FRMD5: variants seen among roughly 807,000 people sequenced by gnomAD.
FRMD5 encodes the protein FERM domain containing 5.
A neutral mutation model predicts 69.0 loss-of-function variants in FRMD5; 20 were observed. That is an observed-to-expected ratio of 0.29 (90% CI 0.20 to 0.42). The LOEUF is 0.42. Ranked by LOEUF, FRMD5 falls within the 10% of genes least tolerant of loss-of-function variation. FRMD5 has a pLI of 1.00. For synonymous variants in FRMD5, 271 were observed against 260.1 expected (o/e 1.04, Z -0.40); for missense variants, 595 against 708.6 (o/e 0.84, Z 1.82).
chr15:43,943,160 T>G (rs777327735), intron 1 of FRMD5, among the ~76,000 whole-genome samples: 13 of 152,152 alleles, frequency 8.5e-5, no homozygotes, highest in African/African-American at 2.2e-4. Context: ...CAGAATTGCT[T>G]GAACCCAGGA....
chr15:44,082,211 A>G (rs1248927891), intron 1 of FRMD5, among the ~76,000 whole-genome samples: 1 of 152,004 alleles, frequency 6.6e-6, no homozygotes, highest in East Asian at 1.9e-4. Flanking sequence ...CGGAACACAG[A>G]GGGGAAAAGT....
intron 1 of FRMD5, among the ~76,000 whole-genome samples, chr15:44,123,470 G>C (rs1487535409): frequency 6.6e-6 from 1 of 152,152 alleles, no homozygotes; most frequent in Non-Finnish European, 1.5e-5. Flanking sequence ...TCAATGTTGG[G>C]TAAAGGAATC....
intron 1 of FRMD5, among the ~76,000 whole-genome samples, chr15:44,126,658 C>A (rs2077028330): frequency 6.6e-6 from 1 of 152,196 alleles, no homozygotes. Flanking sequence ...TCTTCATACT[C>A]TCCCACATAG....
At chr15:43,994,568 C>G (rs974858756) in intron 1 of FRMD5, among the ~76,000 whole-genome samples, 5 of 152,118 alleles carry the variant, frequency 3.3e-5, no homozygotes, top group African/African-American at 1.2e-4. Flanking sequence ...GTAGCTGGTA[C>G]TACAGGCACA....
rs566713261 is a variant in FRMD5, at chr15:44,121,292, C to T, written c.102+73661G>A. 3.4e-4 allele frequency among the ~76,000 whole-genome samples: 51 copies of T among 149,912 alleles called. No homozygotes were observed. In the East Asian group the frequency reaches 9.1e-3, roughly 27 times the overall value. Reference sequence around the variant, plus strand: ...GGGGCAGGGGGGTGGGAGGGGGAGTCAGCTTTCAGTGGATGTGAAGGGAAT... The same window carrying T: ...GGGGCAGGGGGGTGGGAGGGGGAGTTAGCTTTCAGTGGATGTGAAGGGAAT... On this transcript the variant is annotated intron_variant, in intron 1 of 13. Coordinates refer to ENST00000417257, the MANE Select transcript of FRMD5 (RefSeq NM_032892.5).
At chr15:43,990,160 C>T (rs1331015498) in intron 1 of FRMD5, 21 of 571,846 alleles carry the variant, frequency 3.7e-5, no homozygotes, top group South Asian at 4.9e-5. Context: ...TTGTCGACGA[C>T]AAGCATGGTG....
At chr15:44,086,723 A>G (rs1375935186) in intron 1 of FRMD5, among the ~76,000 whole-genome samples, 1 of 152,190 alleles carries the variant, frequency 6.6e-6, no homozygotes, top group African/African-American at 2.4e-5. Flanking sequence ...TGTATTTACC[A>G]CAATTTTTAA....
In FRMD5 at chr15:44,024,718, G is replaced by A. The variant is rs560918372; in HGVS notation, c.103-100409C>T. Among the ~76,000 whole-genome samples the A allele has an allele frequency of 8.5e-4, 129 of 152,178 alleles. 1 individual carries two copies. Among genetic ancestry groups the A allele is most frequent in the South Asian group, 5.0e-3 (24 of 4,812 alleles). On this transcript the variant is annotated intron_variant, in intron 1 of 13. Coordinates refer to ENST00000417257, the MANE Select transcript of FRMD5 (RefSeq NM_032892.5). ...ATTCTTTGCCAGTAAAATAAAATAC[G>A]AATATCTTCTCAAAGTCTGTTATTT... is the stretch of plus-strand genomic sequence containing the variant.
chr15:43,876,088 C>T, intron 13 of FRMD5: 1 of 1,331,048 alleles, frequency 7.5e-7, no homozygotes. Context: ...TCCATGGCTT[C>T]CATGATTTTG....
chr15:44,194,577 C>A lies in FRMD5; in HGVS notation c.102+376G>T, dbSNP rs573955729. The A allele has an allele frequency of 2.8e-3, 926 of 329,558 alleles. 2 individuals are homozygous for A. The highest frequency in any genetic ancestry group is 4.4e-3 in the Non-Finnish European group (770 of 176,484). 20.4% of individuals were successfully genotyped at this position (329,558 alleles called of 1,614,324 possible). ...CCCGGGCAGAGAGCCAAAGCCTGCG[C>A]CCCCGACGGGGCGGCCGGGCTAGGA... On this transcript the variant is annotated intron_variant, in intron 1 of 13. Transcript: ENST00000417257.
intron 7 of FRMD5, among the ~76,000 whole-genome samples, chr15:43,894,837 G>A (rs1056989466): frequency 6.6e-6 from 1 of 152,172 alleles, no homozygotes; most frequent in Non-Finnish European, 1.5e-5. Context: ...GTGTGGCTGT[G>A]GCCAGGTCCT....
At position 44,072,218 on chromosome 15, in the gene FRMD5, C is replaced by A. The variant is rs1029028673; in HGVS notation, c.102+122735G>T. ...TAAGGGTTCTGATTGTACAAACAGACAAAACATGCTTTAGACCTATCGACC... is the reference window on the plus strand; with the variant it reads ...TAAGGGTTCTGATTGTACAAACAGAAAAAACATGCTTTAGACCTATCGACC... On this transcript the variant is annotated intron_variant, in intron 1 of 13. Coordinates refer to ENST00000417257, the MANE Select transcript of FRMD5 (RefSeq NM_032892.5). 5.9e-5 allele frequency among the ~76,000 whole-genome samples: 9 copies of A among 152,246 alleles called. No individual in the cohort carries two copies. In the East Asian group the frequency reaches 1.7e-3, roughly 29 times the overall value.
chr15:43,919,915 A>C, intron 2 of FRMD5, 106 bp from the exon 3 acceptor site: 1 of 1,010,102 alleles, frequency 9.9e-7, no homozygotes, highest in Non-Finnish European at 1.6e-6. Flanking sequence ...CTAGGGTGAA[A>C]GCAGCCCAAA....
At chr15:43,999,977 T>TATATATATATGCCATGC (rs1890135308) in intron 1 of FRMD5, among the ~76,000 whole-genome samples, 2 of 92,506 alleles carry the variant, frequency 2.2e-5, no homozygotes, top group Non-Finnish European at 4.5e-5. Context: ...TATATATATA[T>TATATATATATGCCATGC]ATATATATAT....
intron 1 of FRMD5, among the ~76,000 whole-genome samples, chr15:43,932,134 T>C (rs1327946700): frequency 6.6e-6 from 1 of 152,210 alleles, no homozygotes; most frequent in Non-Finnish European, 1.5e-5. Context: ...CTGTGAGTTT[T>C]CGTGCCAACT....
intron 1 of FRMD5, among the ~76,000 whole-genome samples, chr15:43,956,836 C>G (rs2090123327): frequency 6.6e-6 from 1 of 152,176 alleles, no homozygotes; most frequent in Admixed American, 6.5e-5. Context: ...TGATAGCTGG[C>G]CATTGGTTAG....
At chr15:43,929,766 T>G (rs1321626762) in intron 1 of FRMD5, among the ~76,000 whole-genome samples, 1 of 152,216 alleles carries the variant, frequency 6.6e-6, no homozygotes, top group African/African-American at 2.4e-5. Flanking sequence ...AGGGATGGGA[T>G]GGCATCTTAG....
rs189569871 is a variant in FRMD5, at chr15:44,159,481, C to T, written c.102+35472G>A. On this transcript the variant is annotated intron_variant, in intron 1 of 13. Coordinates refer to ENST00000417257, the MANE Select transcript of FRMD5 (RefSeq NM_032892.5). The stretch of plus-strand genomic sequence containing the variant: ...AAATTAAGGTCTAAATTCTGAGAGG[C>T]AGTGAGACAAAAGGAATGAATTGAC... Among the ~76,000 whole-genome samples the T allele has an allele frequency of 1.6e-4, 25 of 152,192 alleles. No homozygotes were observed. The East Asian group carries it at 4.1e-3, about 25-fold the overall frequency.
chr15:43,951,591 TG>T (rs1371573161), intron 1 of FRMD5, among the ~76,000 whole-genome samples: 1 of 152,198 alleles, frequency 6.6e-6, no homozygotes, highest in African/African-American at 2.4e-5. Flanking sequence ...TAATTAAGAA[TG>T]GATTACTGAA....
Sources: gnomAD v4.1 joint callset for allele counts (sites outside exome capture counted in the v4.1 genomes callset) on GRCh38, gnomAD v4.1.1 for gene constraint, MANE v1.5 for transcripts, NCBI Gene and HGNC (gene_info 2026-07-23, HGNC 2026-07-21) for gene names.